The following VRK2 variants were observed in gnomAD, a reference collection of about 807,000 sequenced individuals.
VRK2 encodes serine/threonine-protein kinase VRK2.
In VRK2, 60 loss-of-function variants were observed where a neutral mutation model predicts 57.6. The observed-to-expected ratio is 1.04, with a 90% CI of 0.85 to 1.29. VRK2 has a LOEUF of 1.29. Among genes scored for constraint, VRK2 ranks in the 50% most tolerant of loss-of-function variants. VRK2 has a pLI of 0.00. For synonymous variants in VRK2, 231 were observed against 199.2 expected (o/e 1.16, Z -1.35); for missense variants, 705 against 588.1 (o/e 1.20, Z -2.06).
At chr2:57,959,657 T>C (rs1264387891) in intron 1 of VRK2, among the ~76,000 whole-genome samples, 5 of 152,150 alleles carry the variant, frequency 3.3e-5, no homozygotes, top group African/African-American at 1.2e-4. Flanking sequence ...AAGTGCCAGT[T>C]TGTTCCTCTT....
intron 3 of VRK2, among the ~76,000 whole-genome samples, chr2:58,084,398 A>G (rs1671327227): frequency 6.6e-6 from 1 of 151,406 alleles, no homozygotes; most frequent in African/African-American, 2.4e-5. Flanking sequence ...CCACCTCTCT[A>G]ATCAAGATGG....
chr2:58,145,891 C>CAATAGT (rs1412718802), intron 11 of VRK2, among the ~76,000 whole-genome samples: 1 of 151,940 alleles, frequency 6.6e-6, no homozygotes, highest in Non-Finnish European at 1.5e-5. Context: ...TCTGTCCTTG[C>CAATAGT]GATAGTTTGC....
intron 2 of VRK2, among the ~76,000 whole-genome samples, chr2:58,049,699 A>G (rs1413105633): frequency 6.6e-6 from 1 of 152,188 alleles, no homozygotes; most frequent in Non-Finnish European, 1.5e-5. Flanking sequence ...ACCCTCAAGG[A>G]TAAATTCTCC....
intron 1 of VRK2, among the ~76,000 whole-genome samples, chr2:57,973,090 T>C (rs1324977619): frequency 6.6e-6 from 1 of 151,910 alleles, no homozygotes; most frequent in Admixed American, 6.6e-5. Context: ...TTGTTAGACA[T>C]TGCCAAATTT....
chr2:58,097,200 C>G (rs574186929), intron 7 of VRK2, among the ~76,000 whole-genome samples: 23 of 152,110 alleles, frequency 1.5e-4, no homozygotes, highest in African/African-American at 5.3e-4. Flanking sequence ...TTTATGTCAT[C>G]TATATCTTTA....
chr2:58,107,563 G>A (rs1166691640), intron 7 of VRK2, among the ~76,000 whole-genome samples: 2 of 152,144 alleles, frequency 1.3e-5, no homozygotes, highest in African/African-American at 2.4e-5. Context: ...ACAGCAAGGT[G>A]TGCTAATTAA....
At chr2:58,106,541 G>A (rs985192732) in intron 7 of VRK2, among the ~76,000 whole-genome samples, 10 of 151,932 alleles carry the variant, frequency 6.6e-5, no homozygotes, top group Admixed American at 2.6e-4. Context: ...ATGGAATGAC[G>A]CAGTAATAGA....
intron 7 of VRK2, among the ~76,000 whole-genome samples, chr2:58,103,273 A>G (rs1185918746): frequency 6.6e-6 from 1 of 151,418 alleles, no homozygotes; most frequent in African/African-American, 2.4e-5. Context: ...TAAATAAATA[A>G]ATAAAAATTA....
intron 2 of VRK2, among the ~76,000 whole-genome samples, chr2:58,075,035 C>T (rs1669892991): frequency 1.3e-5 from 2 of 152,040 alleles, no homozygotes. Context: ...TCAGTGCTCA[C>T]CCTTCTCCTA....
At chr2:57,962,279 A>G in intron 1 of VRK2, among the ~76,000 whole-genome samples, 1 of 152,140 alleles carries the variant, frequency 6.6e-6, no homozygotes, top group African/African-American at 2.4e-5. Flanking sequence ...AGAAAAGAAA[A>G]ATAAACTCCC....
Position 58,139,773 on chromosome 2 carries a change from C to T in VRK2, c.964C>T (p.Pro322Ser), listed in dbSNP as rs780354988. The change falls in exon 11 of 13, where the codon CCA becomes TCA. Residue 322 changes from proline (P) to serine (S), a missense_variant. Transcript: ENST00000340157. ...GAACCCTCATGGAATACCTTTAGGACCACTGGACTTTTCCACAAAAGGACA... is the reference window on the plus strand; with the variant it reads ...GAACCCTCATGGAATACCTTTAGGATCACTGGACTTTTCCACAAAAGGACA... ...ILNPHGIPLG[P>S]LDFSTKGQSI... 1.2e-6 allele frequency: 2 copies of T among 1,613,124 alleles called. No homozygotes were observed. Among genetic ancestry groups the T allele is most frequent in the South Asian group, 1.1e-5 (1 of 91,030 alleles).
At chr2:57,944,533 A>G (rs1057313357) in intron 1 of VRK2, among the ~76,000 whole-genome samples, 2 of 152,290 alleles carry the variant, frequency 1.3e-5, no homozygotes, top group East Asian at 1.9e-4. Flanking sequence ...TCAGGAGATC[A>G]AGACCATCCT....
chr2:57,932,047 A>C lies in VRK2; in HGVS notation c.-439+24208A>C, dbSNP rs1030354019. ...ATTTGTAAATAATTTGAAATCAAGA[A>C]GTGTGATGCCTACTTCTTTGTTTTT... On this transcript the variant is annotated intron_variant, in intron 1 of 15. Transcript: ENST00000417641. 3.9e-5 allele frequency among the ~76,000 whole-genome samples: 6 copies of C among 152,256 alleles called. No individual in the cohort carries two copies. The East Asian group carries it at 9.6e-4, about 24-fold the overall frequency.
upstream of VRK2, chr2:58,046,573 G>A: frequency 4.1e-6 from 4 of 985,610 alleles, no homozygotes; most frequent in Non-Finnish European, 4.8e-6. Context: ...GGGCCAGGGT[G>A]GAGGTAGTAA....
chr2:58,146,231 C>A, intron 11 of VRK2, 85 bp from the exon 12 acceptor site: 2 of 1,197,418 alleles, frequency 1.7e-6, no homozygotes, highest in African/African-American at 1.6e-5. Flanking sequence ...AAGTTTAGAG[C>A]TTTTAAGAAT....
At chr2:58,153,586 C>A (rs577938701) in intron 12 of VRK2, among the ~76,000 whole-genome samples, 4 of 151,872 alleles carry the variant, frequency 2.6e-5, no homozygotes, top group African/African-American at 7.2e-5. Flanking sequence ...TTATATTATT[C>A]TTTTTATATG....
In VRK2 at chr2:58,137,215, C is replaced by T. The variant is rs1219968785; in HGVS notation, c.856+2016C>T. On this transcript the variant is annotated intron_variant, in intron 10 of 12. Coordinates refer to ENST00000340157, the MANE Select transcript of VRK2 (RefSeq NM_006296.7). Reference sequence around the variant, plus strand: ...ATACATATATATCTCATATATGATACATATATATCATATGATACATATATA... The same window carrying T: ...ATACATATATATCTCATATATGATATATATATATCATATGATACATATATA... 3.9e-4 allele frequency among the ~76,000 whole-genome samples: 16 copies of T among 40,770 alleles called. 1 individual carries two copies. The highest frequency in any genetic ancestry group is 3.0e-3 in the African/African-American group (14 of 4,618). 26.7% of individuals were successfully genotyped at this position (40,770 alleles called of 152,430 possible). A position where few individuals can be genotyped will look rare whatever the true frequency, so the allele number is the denominator to read the frequency against.
At chr2:58,062,866 T>C (rs1435379003) in intron 2 of VRK2, among the ~76,000 whole-genome samples, 2 of 152,106 alleles carry the variant, frequency 1.3e-5, no homozygotes, top group Middle Eastern at 3.2e-3. Flanking sequence ...AGATCAATGA[T>C]GAAGGTGGTT....
At chr2:57,987,584 A>T (rs1672637589) in intron 1 of VRK2, among the ~76,000 whole-genome samples, 1 of 152,202 alleles carries the variant, frequency 6.6e-6, no homozygotes, top group Non-Finnish European at 1.5e-5. Flanking sequence ...CCTCTTTGGA[A>T]GGTGTTTGGA....
Sources: allele counts gnomAD v4.1 joint callset (sites outside exome capture counted in the v4.1 genomes callset), GRCh38; gene constraint gnomAD v4.1.1; transcripts MANE v1.5; gene names NCBI Gene and HGNC (gene_info 2026-07-23, HGNC 2026-07-21).